Variants in MDGA2 observed in about 807,000 individuals in gnomAD.
The protein encoded by MDGA2 is MAM domain containing glycosylphosphatidylinositol anchor 2.
Under a neutral mutation model 117.8 loss-of-function variants are expected in MDGA2, and 40 were observed. The ratio of observed to expected loss-of-function variants is 0.34; its 90% CI spans 0.26 to 0.44. The LOEUF is 0.44. Among genes scored for constraint, MDGA2 ranks in the 20% least tolerant of loss-of-function variants. The pLI, the probability that MDGA2 is intolerant of heterozygous loss-of-function variation, is 1.00. For synonymous variants in MDGA2, 452 were observed against 439.0 expected (o/e 1.03, Z -0.37); for missense variants, 1,123 against 1,250.6 (o/e 0.90, Z 1.54).
At chr14:47,340,773 C>A (rs1445202921) in intron 1 of MDGA2, among the ~76,000 whole-genome samples, 7 of 152,142 alleles carry the variant, frequency 4.6e-5, no homozygotes, top group Non-Finnish European at 1.0e-4. Context: ...GTCTTCAACT[C>A]ATTCTCAGAC....
At chr14:46,842,835 A>G (rs1027050555) in intron 16 of MDGA2, among the ~76,000 whole-genome samples, 23 of 152,256 alleles carry the variant, frequency 1.5e-4, no homozygotes, top group African/African-American at 5.5e-4. Flanking sequence ...TTGCCTGGAA[A>G]GAACTGGCAG....
At chr14:47,166,064 C>G (rs2139297830) in intron 3 of MDGA2, among the ~76,000 whole-genome samples, 1 of 131,036 alleles carries the variant, frequency 7.6e-6, no homozygotes, top group South Asian at 2.4e-4. Context: ...TAGACAGAGT[C>G]TCGCTCTGTT....
chr14:46,884,810 GA>G lies in MDGA2; in HGVS notation c.2239-2590del, dbSNP rs1882606821. On this transcript the variant is annotated intron_variant, in intron 10 of 16. Transcript: ENST00000399232. This position sits in a 1 kb window ranked among gnomAD's most constrained non-coding sequence, Gnocchi z 4.1. ...ATTTAAATCAGTTAGGAAAAATACA[GA>G]AAAAATGTTATTATGATCTCAGGTA... Among the ~76,000 whole-genome samples, 1 of 151,372 alleles carries G rather than the reference GA, an allele frequency of 6.6e-6. No homozygotes were observed. The highest frequency in any genetic ancestry group is 2.1e-4 in the South Asian group (1 of 4,812).
At chr14:47,298,783 C>T (rs1486612160) in intron 2 of MDGA2, among the ~76,000 whole-genome samples, 1 of 148,508 alleles carries the variant, frequency 6.7e-6, no homozygotes, top group Non-Finnish European at 1.5e-5. Flanking sequence ...CTCCCAGGTT[C>T]ACGCCATTCT....
intron 2 of MDGA2, among the ~76,000 whole-genome samples, chr14:47,243,226 C>CTG (rs1411300412): frequency 6.6e-6 from 1 of 151,420 alleles, no homozygotes; most frequent in Non-Finnish European, 1.5e-5. Flanking sequence ...TGTCTAAACT[C>CTG]TATCTAACTA....
intron 8 of MDGA2, among the ~76,000 whole-genome samples, chr14:47,010,433 C>T (rs1308506377): frequency 6.6e-6 from 1 of 151,942 alleles, no homozygotes; most frequent in Non-Finnish European, 1.5e-5. Flanking sequence ...GTGGACTTAC[C>T]TGGTTAACAT....
At chr14:47,103,979 T>G (rs1404108195) in intron 5 of MDGA2, among the ~76,000 whole-genome samples, 1 of 152,152 alleles carries the variant, frequency 6.6e-6, no homozygotes, top group Non-Finnish European at 1.5e-5. Context: ...GTTTACAACT[T>G]AACAAGAAGA....
intron 3 of MDGA2, among the ~76,000 whole-genome samples, chr14:47,162,875 A>C (rs1289859994): frequency 6.6e-6 from 1 of 152,238 alleles, no homozygotes; most frequent in African/African-American, 2.4e-5. Context: ...TATGATTTTC[A>C]GTATCACCAA....
chr14:46,979,080 G>T (rs544481612), intron 8 of MDGA2, among the ~76,000 whole-genome samples: 3 of 152,042 alleles, frequency 2.0e-5, no homozygotes, highest in Non-Finnish European at 2.9e-5. Flanking sequence ...TACTCACTTT[G>T]TGTCTCTGTG....
At chr14:47,198,497 G>A (rs1324391172) in intron 3 of MDGA2, among the ~76,000 whole-genome samples, 2 of 152,124 alleles carry the variant, frequency 1.3e-5, no homozygotes, top group African/African-American at 4.8e-5. Flanking sequence ...GCGTGAACCC[G>A]GGAGGTGGAG....
chr14:47,032,603 A>C (rs1316822195), intron 8 of MDGA2, among the ~76,000 whole-genome samples: 1 of 152,120 alleles, frequency 6.6e-6, no homozygotes, highest in Non-Finnish European at 1.5e-5. Flanking sequence ...TAAAAAAATC[A>C]CTATAAAAGT....
rs913940535 is a variant in MDGA2 at position 46,925,503 on chromosome 14, G to C, written c.2090-5343C>G. Among the ~76,000 whole-genome samples, 6 of 151,452 alleles carry C rather than the reference G, an allele frequency of 4.0e-5. No homozygotes were observed. The East Asian group carries it at 1.2e-3, about 29-fold the overall frequency. Reference sequence around the variant, plus strand: ...AAAAATCAACTGGGAGTGGTGGCAGGCACCAGTAATCCCAGCTATTCGGGA... The same window carrying C: ...AAAAATCAACTGGGAGTGGTGGCAGCCACCAGTAATCCCAGCTATTCGGGA... On this transcript the variant is annotated intron_variant, in intron 9 of 16. Coordinates refer to ENST00000399232, the MANE Select transcript of MDGA2 (RefSeq NM_001113498.3).
chr14:47,212,146 GA>G (rs1885907828), intron 3 of MDGA2, among the ~76,000 whole-genome samples: 2 of 152,044 alleles, frequency 1.3e-5, no homozygotes, highest in Admixed American at 1.3e-4. Flanking sequence ...AAAAAGTTTA[GA>G]AGAAAAATTA....
At chr14:47,288,232 T>C (rs72682112) in intron 2 of MDGA2, among the ~76,000 whole-genome samples, 13,858 of 152,172 alleles carry the variant, frequency 0.091, 784 homozygotes, top group Non-Finnish European at 0.11. Context: ...TCATGAAATA[T>C]GTTTACATTC....
At chr14:47,221,674 C>A (rs1270113357) in intron 2 of MDGA2, among the ~76,000 whole-genome samples, 1 of 109,538 alleles carries the variant, frequency 9.1e-6, no homozygotes, top group Non-Finnish European at 1.7e-5. Context: ...GGTGACAGAG[C>A]GAGACTCTAT....
chr14:47,644,211 A>G (rs187162984), intron 1 of MDGA2, among the ~76,000 whole-genome samples: 2 of 152,328 alleles, frequency 1.3e-5, no homozygotes, highest in East Asian at 1.9e-4. Flanking sequence ...TATGGCAAAG[A>G]GAACTTTGAA....
chr14:47,145,085 A>G (rs1385316303), intron 3 of MDGA2, among the ~76,000 whole-genome samples: 1 of 152,160 alleles, frequency 6.6e-6, no homozygotes, highest in Non-Finnish European at 1.5e-5. Flanking sequence ...CTCAAATTTT[A>G]TATTCCAGAT....
At chr14:46,990,879 CA>C (rs2138430737) in intron 8 of MDGA2, among the ~76,000 whole-genome samples, 1 of 143,386 alleles carries the variant, frequency 7.0e-6, no homozygotes, top group South Asian at 2.2e-4. Context: ...CACACACACA[CA>C]CACACACACA....
intron 6 of MDGA2, among the ~76,000 whole-genome samples, chr14:47,077,532 T>C (rs554203833): frequency 5.3e-4 from 81 of 152,220 alleles, no homozygotes; most frequent in Middle Eastern, 3.4e-3. Flanking sequence ...ATTTTCTACA[T>C]AATGGGACTT....
Sources: gnomAD v4.1 joint callset for allele counts (sites outside exome capture counted in the v4.1 genomes callset) on GRCh38, gnomAD v4.1.1 for gene constraint, Gnocchi (gnomAD v3.1) non-coding constraint, MANE v1.5 for transcripts, NCBI Gene and HGNC (gene_info 2026-07-23, HGNC 2026-07-21) for gene names.